The following GRIK1 variants were observed in gnomAD, a reference collection of about 807,000 sequenced individuals.
The protein encoded by GRIK1 is glutamate receptor ionotropic, kainate 1.
In GRIK1, 69 loss-of-function variants were observed where a neutral mutation model predicts 105.7. That is an observed-to-expected ratio of 0.65 (90% CI 0.54 to 0.80). The LOEUF (loss-of-function observed/expected upper bound fraction) is 0.80, where lower values mean the gene tolerates loss of function less well. Ranked by LOEUF, GRIK1 falls within the 30% of genes least tolerant of loss-of-function variation. The probability of loss-of-function intolerance (pLI) is 0.00; values close to 1 mark genes in which losing one functional copy is unlikely to be tolerated. For synonymous variants in GRIK1, 438 were observed against 431.3 expected, an observed-to-expected ratio of 1.02 and a Z score of -0.19; for missense variants, 1,109 against 1,167.3, an observed-to-expected ratio of 0.95 and a Z score of 0.73.
At chr21:29,769,822 T>C (rs963147705) in intron 1 of GRIK1, among the ~76,000 whole-genome samples, 1 of 152,146 alleles carries the variant, frequency 6.6e-6, no homozygotes, top group African/African-American at 2.4e-5. Context: ...TGCTAACATC[T>C]TGATTTCAGC....
chr21:29,713,773 A>C (rs1471441248), intron 1 of GRIK1, among the ~76,000 whole-genome samples: 2 of 152,204 alleles, frequency 1.3e-5, no homozygotes, highest in Non-Finnish European at 2.9e-5. Context: ...AATCTGGAAC[A>C]CATTGACTAA....
chr21:29,771,172 C>T (rs754823099), intron 1 of GRIK1, among the ~76,000 whole-genome samples: 7 of 152,134 alleles, frequency 4.6e-5, no homozygotes, highest in South Asian at 4.1e-4. Context: ...CTGATAGTTG[C>T]AGTGTTTAAA....
Position 29,537,190 on chromosome 21 carries a change from G to C in GRIK1, c.*40C>G. Reference sequence around the variant, plus strand: ...GAAATCCTTTCTCCAAAAATCTGTAGGGAATGCATCCTTTTTCTTCCTACA... The same window carrying C: ...GAAATCCTTTCTCCAAAAATCTGTACGGAATGCATCCTTTTTCTTCCTACA... On this transcript the variant is annotated 3_prime_UTR_variant, in exon 18 of 18. Transcript: ENST00000327783. The C allele has an allele frequency of 6.8e-7, 1 of 1,471,210 alleles. No individual in the cohort carries two copies. The highest frequency in any genetic ancestry group is 9.2e-7 in the Non-Finnish European group (1 of 1,092,110). The allele number at this position is 1,471,210 out of a possible 1,614,324, so 91.1% of individuals were successfully genotyped here. A position where few individuals can be genotyped will look rare whatever the true frequency, so the allele number is the denominator to read the frequency against.
intron 11 of GRIK1, among the ~76,000 whole-genome samples, chr21:29,588,094 C>T (rs1184191207): frequency 6.7e-6 from 1 of 149,538 alleles, no homozygotes; most frequent in Non-Finnish European, 1.5e-5. Context: ...CCTGCCTCAG[C>T]CTACCGAGTA....
intron 1 of GRIK1, among the ~76,000 whole-genome samples, chr21:29,741,475 G>A (rs1006119310): frequency 3.3e-5 from 5 of 152,082 alleles, no homozygotes; most frequent in African/African-American, 1.2e-4. Flanking sequence ...CTGCTATTTA[G>A]TATCTTATCA....
chr21:29,703,092 T>C (rs539627853), intron 1 of GRIK1, among the ~76,000 whole-genome samples: 2 of 152,372 alleles, frequency 1.3e-5, no homozygotes, highest in Admixed American at 1.3e-4. Flanking sequence ...TCTAGCATGA[T>C]TTTGCAAATA....
At chr21:29,913,167 T>C (rs1329563689) in intron 1 of GRIK1, among the ~76,000 whole-genome samples, 1 of 152,044 alleles carries the variant, frequency 6.6e-6, no homozygotes, top group Non-Finnish European at 1.5e-5. Flanking sequence ...GAACATGGAC[T>C]TGAGAGAAAG....
intron 1 of GRIK1, among the ~76,000 whole-genome samples, chr21:29,804,729 C>T (rs1045771515): frequency 1.3e-5 from 2 of 152,036 alleles, no homozygotes; most frequent in Non-Finnish European, 2.9e-5. Context: ...GGAACTTTCC[C>T]CTGCTATTAT....
At chr21:29,709,456 T>C (rs1254427310) in intron 1 of GRIK1, among the ~76,000 whole-genome samples, 4 of 151,864 alleles carry the variant, frequency 2.6e-5, no homozygotes, top group African/African-American at 9.7e-5. Context: ...AATTTTTGTG[T>C]TTTTAGTAGA....
intron 1 of GRIK1, among the ~76,000 whole-genome samples, chr21:29,721,378 G>T (rs2064317197): frequency 6.6e-6 from 1 of 152,166 alleles, no homozygotes; most frequent in Admixed American, 6.5e-5. Flanking sequence ...GGCAGAGAAA[G>T]ATCGCAGTGA....
At position 29,577,012 on chromosome 21, in the gene GRIK1, C is replaced by A; in HGVS notation, c.2082G>T (p.Lys694Asn). The A allele has an allele frequency of 6.2e-7, 1 of 1,613,646 alleles. No individual in the cohort carries two copies. The highest frequency in any genetic ancestry group is 8.5e-7 in the Non-Finnish European group (1 of 1,179,732). ...DSADDLAKQT[K>N]IEYGAVRDGS... ...CATCTCTAACCGCCCCATATTCTAT[C>A]TTGGTTTGCTTTGCCAGATCATCTG... Residue 694 changes from lysine (K) to asparagine (N), a missense_variant, in exon 14 of 18, where the codon AAG becomes AAT. Physicochemically the swap from Lys to Asn is moderately conservative, Grantham distance 94. Around this residue, in one of 5 missense-constraint regions of GRIK1, gnomAD observed 264 missense variants for 306.9 expected, o/e 0.86. Transcript: ENST00000327783.
chr21:29,559,457 C>T lies in GRIK1; in HGVS notation c.2356+2167G>A, dbSNP rs363498. On this transcript the variant is annotated intron_variant, in intron 15 of 17. Transcript: ENST00000327783. ...AGCTTACCACTTGGGGCAAAATATA[C>T]ACTTCACTAGCGATATTAGTATTTT... Among the ~76,000 whole-genome samples, 324 of 152,260 alleles carry T rather than the reference C, an allele frequency of 2.1e-3. 2 individuals carry two copies. The highest frequency in any genetic ancestry group is 3.9e-3 in the Non-Finnish European group (266 of 68,012).
chr21:29,716,858 A>T (rs574678308), intron 1 of GRIK1, among the ~76,000 whole-genome samples: 1 of 152,372 alleles, frequency 6.6e-6, no homozygotes, highest in Non-Finnish European at 1.5e-5. Context: ...GACAATGGGG[A>T]AAATGCCTCC....
intron 1 of GRIK1, among the ~76,000 whole-genome samples, chr21:29,730,184 A>C (rs955964654): frequency 1.3e-5 from 2 of 152,238 alleles, no homozygotes; most frequent in Non-Finnish European, 2.9e-5. Context: ...TACAAAGTAC[A>C]TAATTGCGGT....
chr21:29,775,912 C>A (rs987607032), intron 1 of GRIK1, among the ~76,000 whole-genome samples: 2 of 152,008 alleles, frequency 1.3e-5, no homozygotes, highest in Non-Finnish European at 2.9e-5. Context: ...AAGAACTGCC[C>A]GAGACTGGGT....
chr21:29,937,949 A>G (rs1459678507), intron 1 of GRIK1, among the ~76,000 whole-genome samples: 2 of 152,212 alleles, frequency 1.3e-5, no homozygotes, highest in African/African-American at 4.8e-5. Flanking sequence ...ACTATTTTAG[A>G]AAAGACTCTA....
intron 15 of GRIK1, among the ~76,000 whole-genome samples, chr21:29,560,567 TC>T (rs1370714282): frequency 7.6e-6 from 1 of 131,870 alleles, no homozygotes; most frequent in Non-Finnish European, 1.6e-5. Context: ...TTTCTTTCTT[TC>T]TTTCTTTCTC....
intron 9 of GRIK1, among the ~76,000 whole-genome samples, chr21:29,593,553 A>T (rs2061362051): frequency 6.6e-6 from 1 of 151,852 alleles, no homozygotes. Flanking sequence ...TGAACAATTG[A>T]CTCCTAGCTC....
chr21:29,698,156 G>A (rs2063746695), intron 1 of GRIK1, among the ~76,000 whole-genome samples: 1 of 151,952 alleles, frequency 6.6e-6, no homozygotes, highest in Non-Finnish European at 1.5e-5. Flanking sequence ...GGGTCTTCAT[G>A]TTGTGAACCT....
Sources: allele counts gnomAD v4.1 joint callset (sites outside exome capture counted in the v4.1 genomes callset), GRCh38; gene constraint gnomAD v4.1.1; regional missense constraint gnomAD v4.1.1; transcripts MANE v1.5; gene names NCBI Gene and HGNC (gene_info 2026-07-23, HGNC 2026-07-21).